The following SLC38A12 variants were observed in gnomAD, a reference collection of about 807,000 sequenced individuals.
SLC38A12 encodes putative sodium-coupled neutral amino acid transporter 12.
the SLC38A12 span, among the ~76,000 whole-genome samples, chr17:74,796,843 C>T: frequency 5.3e-5 from 8 of 152,222 alleles, no homozygotes; most frequent in Admixed American, 2.0e-4. Flanking sequence ...AGGGGTGAGC[C>T]CAGGCACTAG....
chr17:74,838,101 C>T, the SLC38A12 span: 4 of 985,722 alleles, frequency 4.1e-6, no homozygotes, highest in Admixed American at 6.1e-5. Context: ...GCAGGGAACT[C>T]GGGGAGCCCA....
chr17:74,814,808 C>G, the SLC38A12 span, among the ~76,000 whole-genome samples: 1 of 152,158 alleles, frequency 6.6e-6, no homozygotes, highest in African/African-American at 2.4e-5. Flanking sequence ...CTGCGACAAA[C>G]AAGGATGCAG....
the SLC38A12 span, among the ~76,000 whole-genome samples, chr17:74,829,186 C>T: frequency 2.0e-5 from 3 of 152,094 alleles, no homozygotes; most frequent in Admixed American, 6.5e-5. The surrounding 1 kb of genome is among the most constrained non-coding windows in gnomAD (Gnocchi z 4.1). Flanking sequence ...TGCAGTGGCG[C>T]GATCTCAGCT....
chr17:74,832,800 C>T, the SLC38A12 span, among the ~76,000 whole-genome samples: 1 of 152,242 alleles, frequency 6.6e-6, no homozygotes, highest in African/African-American at 2.4e-5. Flanking sequence ...TCTGGAATCA[C>T]CTCCCAAGAG....
At chr17:74,839,342 C>G in the SLC38A12 span, 2 of 614,696 alleles carry the variant, frequency 3.3e-6, no homozygotes, top group Admixed American at 3.3e-5. Context: ...ACAGGGGCTG[C>G]TGCCCCGCTC....
At chr17:74,796,674 T>A in the SLC38A12 span, among the ~76,000 whole-genome samples, 1 of 152,254 alleles carries the variant, frequency 6.6e-6, no homozygotes, top group South Asian at 2.1e-4. Context: ...TCAGTGTGTC[T>A]TCTCCTGCAC....
the SLC38A12 span, among the ~76,000 whole-genome samples, chr17:74,832,618 C>T: frequency 4.0e-4 from 61 of 152,370 alleles, no homozygotes; most frequent in East Asian, 8.3e-3. Flanking sequence ...GCTGGGTGCA[C>T]ACTCGGTCTG....
chr17:74,837,087 C>G, the SLC38A12 span: 5 of 1,004,442 alleles, frequency 5.0e-6, no homozygotes, highest in Non-Finnish European at 5.9e-6. Flanking sequence ...CCCCTCCCCT[C>G]TCCTGCCCCA....
At chr17:74,830,266 C>T in the SLC38A12 span, among the ~76,000 whole-genome samples, 1 of 152,222 alleles carries the variant, frequency 6.6e-6, no homozygotes, top group African/African-American at 2.4e-5. Flanking sequence ...GGGTGAGGTT[C>T]CAGGAGGGCA....
At chr17:74,790,358 A>G in the SLC38A12 span, 7 of 1,436,804 alleles carry the variant, frequency 4.9e-6, no homozygotes, top group African/African-American at 7.0e-5. Context: ...CCCTTTCTTC[A>G]TGGAGAGGGC....
the SLC38A12 span, among the ~76,000 whole-genome samples, chr17:74,805,575 A>G: frequency 6.6e-6 from 1 of 152,192 alleles, no homozygotes; most frequent in Non-Finnish European, 1.5e-5. This position sits in a 1 kb window ranked among gnomAD's most constrained non-coding sequence, Gnocchi z 5.0. Flanking sequence ...AAGAGAGCTC[A>G]TTAATCAGCC....
the SLC38A12 span, among the ~76,000 whole-genome samples, chr17:74,813,593 C>T: frequency 1.3e-5 from 2 of 152,144 alleles, no homozygotes; most frequent in Admixed American, 6.5e-5. Flanking sequence ...CTCTGCCTCC[C>T]GGGTTCAAGC....
the SLC38A12 span, among the ~76,000 whole-genome samples, chr17:74,820,552 C>T: frequency 6.6e-6 from 1 of 152,198 alleles, no homozygotes; most frequent in East Asian, 1.9e-4. Context: ...GCGGGTGGGG[C>T]CCTCTGTGGC....
the SLC38A12 span, among the ~76,000 whole-genome samples, chr17:74,822,809 T>C: frequency 6.6e-6 from 1 of 152,218 alleles, no homozygotes; most frequent in Non-Finnish European, 1.5e-5. Flanking sequence ...TTCCCAGTGC[T>C]GGCGGAAGGT....
the SLC38A12 span, among the ~76,000 whole-genome samples, chr17:74,825,094 A>G: frequency 2.0e-5 from 3 of 152,020 alleles, no homozygotes; most frequent in Non-Finnish European, 4.4e-5. Context: ...AATTCCTCCA[A>G]CCACTCAACT....
the SLC38A12 span, chr17:74,835,950 G>T: frequency 3.9e-5 from 62 of 1,609,898 alleles, no homozygotes; most frequent in South Asian, 4.9e-4. Flanking sequence ...GATTGTGCTG[G>T]CCCTGATCCG....
At chr17:74,784,585 G>A in the SLC38A12 span, among the ~76,000 whole-genome samples, 3 of 152,204 alleles carry the variant, frequency 2.0e-5, 1 homozygote, top group East Asian at 5.8e-4. Flanking sequence ...AGCAGATGAT[G>A]CCAAAATAGG....
the SLC38A12 span, chr17:74,819,772 G>A: frequency 1.2e-6 from 2 of 1,614,190 alleles, no homozygotes; most frequent in Non-Finnish European, 1.7e-6. Flanking sequence ...CTCCTCCTCG[G>A]ACCGTTCACC....
chr17:74,836,897 C>T, the SLC38A12 span: 1 of 1,369,766 alleles, frequency 7.3e-7, no homozygotes, highest in Non-Finnish European at 9.4e-7. The surrounding 1 kb of genome is among the most constrained non-coding windows in gnomAD (Gnocchi z 4.2). Flanking sequence ...AGCTCTCCCA[C>T]CAGGTCCTTC....
Sources: gnomAD v4.1 joint callset for allele counts (sites outside exome capture counted in the v4.1 genomes callset) on GRCh38, gnomAD v4.1.1 for gene constraint, Gnocchi (gnomAD v3.1) non-coding constraint, MANE v1.5 for transcripts, NCBI Gene and HGNC (gene_info 2026-07-23, HGNC 2026-07-21) for gene names.